STRIP2: variants seen among roughly 807,000 people sequenced by gnomAD.
STRIP2 encodes the protein striatin interacting protein 2.
In STRIP2, 84 loss-of-function variants were observed where a neutral mutation model predicts 107.1. The ratio of observed to expected loss-of-function variants is 0.78; its 90% confidence interval spans 0.66 to 0.94. STRIP2 has a LOEUF of 0.94. Among genes scored for constraint, STRIP2 ranks in the 40% least tolerant of loss-of-function variants. The probability of loss-of-function intolerance (pLI) is 0.00; values close to 1 mark genes in which losing one functional copy is unlikely to be tolerated. For synonymous variants in STRIP2, 394 were observed against 400.4 expected (o/e 0.98, Z 0.19); for missense variants, 888 against 1,034.2 (o/e 0.86, Z 1.94).
At chr7:129,463,862 G>A (rs1798605390) in intron 14 of STRIP2, among the ~76,000 whole-genome samples, 182 bp from the exon 15 acceptor site, 1 of 152,170 alleles carries the variant, frequency 6.6e-6, no homozygotes, top group African/African-American at 2.4e-5. Context: ...AGCCTCACAG[G>A]CAGGCCTGTC....
At chr7:129,463,066 GC>G in intron 14 of STRIP2, 26 bp downstream of exon 14, 1 of 1,578,052 alleles carries the variant, frequency 6.3e-7, no homozygotes, top group East Asian at 2.2e-5. Flanking sequence ...GGCCAGAGCT[GC>G]CCTTCTCTGC....
Position 129,451,661 on chromosome 7 carries a change from A to C in STRIP2, c.323A>C (p.Tyr108Ser). Reference protein sequence around the residue: ...LELEEDAQKAYIMGLLDRLEV... With the variant: ...LELEEDAQKASIMGLLDRLEV... Reference sequence around the variant, plus strand: ...TTGGAAGAAGATGCCCAAAAGGCCTATATAATGGGACTCTTGGACCGGCTA... The same window carrying C: ...TTGGAAGAAGATGCCCAAAAGGCCTCTATAATGGGACTCTTGGACCGGCTA... Residue 108 changes from tyrosine to serine, a missense_variant, in exon 4 of 21, where the codon TAT becomes TCT. Physicochemically the swap from Tyr to Ser is moderately radical, Grantham distance 144. Coordinates refer to ENST00000249344, the MANE Select transcript of STRIP2 (RefSeq NM_020704.3). 1.2e-6 allele frequency: 2 copies of C among 1,614,192 alleles called. No individual in the cohort carries two copies. Among genetic ancestry groups the C allele is most frequent in the South Asian group, 2.2e-5 (2 of 91,082 alleles).
At chr7:129,444,170 A>G (rs1797975030) in intron 3 of STRIP2, 72 bp downstream of exon 3, 4 of 1,173,584 alleles carry the variant, frequency 3.4e-6, no homozygotes, top group Non-Finnish European at 5.0e-6. Flanking sequence ...CTAGTAAAAG[A>G]CTAAAACAAA....
chr7:129,476,306 G>A (rs1798939435), intron 18 of STRIP2, among the ~76,000 whole-genome samples: 3 of 148,336 alleles, frequency 2.0e-5, no homozygotes, highest in Admixed American at 6.7e-5. Context: ...CAGATGCGGC[G>A]GCTGCCGGGC....
intron 16 of STRIP2, among the ~76,000 whole-genome samples, chr7:129,467,076 C>CA (rs1459119549): frequency 6.6e-6 from 1 of 152,218 alleles, no homozygotes; most frequent in Non-Finnish European, 1.5e-5. Context: ...GAACAAATCT[C>CA]ACAGCAATTC....
Position 129,440,057 on chromosome 7 carries a change from T to C in STRIP2, c.165T>C (p.Tyr55=). The part of the protein sequence containing the change: ...SVDCPTLEFE[Y]GDADGHAAEL... ...ACTGTCCCACTCTGGAGTTTGAGTATGGAGATGCAGATGGGCATGCAGCCG... is the reference window on the plus strand; with the variant it reads ...ACTGTCCCACTCTGGAGTTTGAGTACGGAGATGCAGATGGGCATGCAGCCG... Residue 55 remains tyrosine (Y), a synonymous_variant, in exon 2 of 21, where the codon TAT becomes TAC. Coordinates refer to ENST00000249344, the MANE Select transcript of STRIP2 (RefSeq NM_020704.3). The C allele has an allele frequency of 6.2e-7, 1 of 1,614,098 alleles. No individual in the cohort carries two copies. Among genetic ancestry groups the C allele is most frequent in the Non-Finnish European group, 8.5e-7 (1 of 1,180,006 alleles).
intron 3 of STRIP2, among the ~76,000 whole-genome samples, chr7:129,446,651 CTG>C (rs1391581511): frequency 6.6e-6 from 1 of 152,186 alleles, no homozygotes; most frequent in African/African-American, 2.4e-5. Flanking sequence ...TTCTCTTCCT[CTG>C]TCAACTTATA....
intron 18 of STRIP2, among the ~76,000 whole-genome samples, chr7:129,476,327 C>T (rs1454650417): frequency 6.7e-6 from 1 of 148,564 alleles, no homozygotes; most frequent in Non-Finnish European, 1.5e-5. Flanking sequence ...GGAGGGGCTC[C>T]TCACTTCTCA....
At chr7:129,444,942 AAAG>A (rs576210323) in intron 3 of STRIP2, among the ~76,000 whole-genome samples, 242 of 152,356 alleles carry the variant, frequency 1.6e-3, no homozygotes, top group African/African-American at 5.1e-3. Flanking sequence ...GTTTTTAACA[AAAG>A]AAGAAGGAAA....
rs1440328749 is a variant in STRIP2 at position 129,470,656 on chromosome 7, G to T, written c.1885G>T (p.Val629Phe). 6.2e-7 allele frequency: 1 copy of T among 1,613,830 alleles called. No individual in the cohort carries two copies. The highest frequency in any genetic ancestry group is 1.7e-5 in the Admixed American group (1 of 60,016). Residue 629 changes from valine to phenylalanine, a missense_variant, in exon 18 of 21, where the codon GTC becomes TTC. Coordinates refer to ENST00000249344, the MANE Select transcript of STRIP2 (RefSeq NM_020704.3). ...SYITAKNSIS[V>F]LDYPCCTIQD... ...TATCTCTGCATCTTACAGCATCTCAGTCCTGGATTATCCTTGCTGTACCAT... is the reference window on the plus strand; with the variant it reads ...TATCTCTGCATCTTACAGCATCTCATTCCTGGATTATCCTTGCTGTACCAT...
rs28626676 is a variant in STRIP2 at position 129,475,561 on chromosome 7, T to C, written c.1944+4846T>C. Among the ~76,000 whole-genome samples, 6 of 125,030 alleles carry C rather than the reference T, an allele frequency of 4.8e-5. No homozygotes were observed. In the East Asian group the frequency reaches 1.7e-3, roughly 35 times the overall value. 82.0% of individuals were successfully genotyped at this position (125,030 alleles called of 152,430 possible). A position where few individuals can be genotyped will look rare whatever the true frequency, so the allele number is the denominator to read the frequency against. On this transcript the variant is annotated intron_variant, in intron 18 of 20. Transcript: ENST00000249344. ...GATGACTCTTTTTTTTTCTTTTTTT[T>C]TTTTTTCTTTTTATTTTTTTTTATT...
At position 129,483,605 on chromosome 7, in the gene STRIP2, T is replaced by C. The variant is rs776622958; in HGVS notation, c.2254+559T>C. 9 of 153,002 alleles carry C rather than the reference T, an allele frequency of 5.9e-5. No individual in the cohort carries two copies. Among genetic ancestry groups the C allele is most frequent in the Non-Finnish European group, 1.0e-4 (7 of 68,736 alleles). The allele number at this position is 153,002 out of a possible 1,614,324, so 9.5% of individuals were successfully genotyped here. A position where few individuals can be genotyped will look rare whatever the true frequency, so the allele number is the denominator to read the frequency against. ...CCTTTTCATGTCAGTACATTTTCAT[T>C]TCATCTAATAAAGTTCATATTCACA... On this transcript the variant is annotated intron_variant, in intron 20 of 20. Transcript: ENST00000249344. The surrounding 1 kb of genome is among the most constrained non-coding windows in gnomAD (Gnocchi z 5.1).
At chr7:129,451,777 G>A (rs767186161) in intron 4 of STRIP2, 30 bp downstream of exon 4, 21 of 1,611,868 alleles carry the variant, frequency 1.3e-5, no homozygotes, top group Middle Eastern at 2.0e-4. Context: ...AGCTTTAGAG[G>A]GGTGGAGGCT....
chr7:129,483,318 G>C lies in STRIP2; in HGVS notation c.2254+272G>C. On this transcript the variant is annotated intron_variant, in intron 20 of 20. Coordinates refer to ENST00000249344, the MANE Select transcript of STRIP2 (RefSeq NM_020704.3). The surrounding 1 kb of genome is among the most constrained non-coding windows in gnomAD (Gnocchi z 5.1). ...GCCTTTCCAAAACATTCTTTTAAAT[G>C]ACAGCTTTCTCCAAAAGATTTAAAT... 1 of 1,173,226 alleles carries C rather than the reference G, an allele frequency of 8.5e-7. No homozygotes were observed. The highest frequency in any genetic ancestry group is 1.1e-6 in the Non-Finnish European group (1 of 941,774). The allele number at this position is 1,173,226 out of a possible 1,614,324, so 72.7% of individuals were successfully genotyped here. A position where few individuals can be genotyped will look rare whatever the true frequency, so the allele number is the denominator to read the frequency against.
At chr7:129,478,034 C>G (rs886678774) in intron 18 of STRIP2, 1 of 411,618 alleles carries the variant, frequency 2.4e-6, no homozygotes, top group African/African-American at 2.1e-5. Flanking sequence ...CAGCGGGCAA[C>G]AGAAGAATAT....
At chr7:129,440,321 A>C (rs1307194734) in intron 2 of STRIP2, among the ~76,000 whole-genome samples, 2 of 151,044 alleles carry the variant, frequency 1.3e-5, no homozygotes, top group African/African-American at 4.9e-5. Flanking sequence ...TCATTCTATC[A>C]CTCTTTCCTG....
intron 5 of STRIP2, 83 bp downstream of exon 5, chr7:129,453,430 A>G: frequency 6.4e-7 from 1 of 1,551,064 alleles, no homozygotes; most frequent in Non-Finnish European, 8.7e-7. Context: ...TTCCCTCACT[A>G]TAGAGACCCC....
chr7:129,451,944 G>T (rs545196633), intron 4 of STRIP2, among the ~76,000 whole-genome samples, 197 bp downstream of exon 4: 26 of 152,088 alleles, frequency 1.7e-4, no homozygotes. Flanking sequence ...TAGATCCCTC[G>T]GGATCTGCCT....
intron 20 of STRIP2, 93 bp from the exon 21 acceptor site, chr7:129,485,486 G>A: frequency 3.0e-6 from 4 of 1,351,272 alleles, no homozygotes; most frequent in Non-Finnish European, 4.0e-6. Flanking sequence ...TTTCTGAGCA[G>A]TTCCATTTTT....
Sources: allele counts gnomAD v4.1 joint callset (sites outside exome capture counted in the v4.1 genomes callset), GRCh38; gene constraint gnomAD v4.1.1; non-coding constraint Gnocchi (gnomAD v3.1); transcripts MANE v1.5; gene names NCBI Gene and HGNC (gene_info 2026-07-23, HGNC 2026-07-21).